Variants in SUCLG1 observed in about 807,000 individuals in gnomAD.
SUCLG1 encodes the protein succinate--CoA ligase [ADP/GDP-forming] subunit alpha, mitochondrial.
In SUCLG1, 26 loss-of-function variants were observed where a neutral mutation model predicts 37.3. The observed-to-expected ratio is 0.70, with a 90% CI of 0.51 to 0.97. The LOEUF (loss-of-function observed/expected upper bound fraction) is 0.97. Among genes scored for constraint, SUCLG1 ranks in the 50% least tolerant of loss-of-function variants. The pLI is 0.00. For missense variants in SUCLG1, 433 were observed against 432.9 expected, an observed-to-expected ratio of 1.00 and a Z score of 0.00; for synonymous variants, 163 against 155.6, an observed-to-expected ratio of 1.05 and a Z score of -0.36.
chr2:84,428,828 G>A (rs1461175076), intron 7 of SUCLG1, among the ~76,000 whole-genome samples: 1 of 152,304 alleles, frequency 6.6e-6, no homozygotes, highest in Non-Finnish European at 1.5e-5. Flanking sequence ...ATGACTCTTT[G>A]TCCTTAACTC....
chr2:84,453,868 G>A (rs1443987613), intron 1 of SUCLG1, among the ~76,000 whole-genome samples: 3 of 152,248 alleles, frequency 2.0e-5, no homozygotes, highest in Non-Finnish European at 4.4e-5. Context: ...CCTTGGGACT[G>A]CGTCCCAGGA....
chr2:84,434,360 G>A (rs1360335801), intron 5 of SUCLG1, among the ~76,000 whole-genome samples: 4 of 152,090 alleles, frequency 2.6e-5, no homozygotes, highest in African/African-American at 9.7e-5. Flanking sequence ...TGGGGAATAA[G>A]GTCAAGATCC....
At chr2:84,455,556 A>C (rs1673006639) in intron 1 of SUCLG1, among the ~76,000 whole-genome samples, 1 of 152,048 alleles carries the variant, frequency 6.6e-6, no homozygotes, top group Non-Finnish European at 1.5e-5. Flanking sequence ...ATAATGTAAA[A>C]AAATGTGGGT....
At position 84,423,700 on chromosome 2, in the gene SUCLG1, A is replaced by G. The variant is rs763185863; in HGVS notation, c.*46T>C. On this transcript the variant is annotated 3_prime_UTR_variant, in exon 9 of 9. Coordinates refer to ENST00000393868, the MANE Select transcript of SUCLG1 (RefSeq NM_003849.4). ...CAGAAGCAAACTGCTGCTGGGTTAC[A>G]TGTCTACGTGATCCATTCCACAGTT... 6 of 1,568,590 alleles carry G rather than the reference A, an allele frequency of 3.8e-6. No individual in the cohort carries two copies. The highest frequency in any genetic ancestry group is 1.8e-5 in the Admixed American group (1 of 56,840).
At chr2:84,453,815 G>C (rs1355448048) in intron 1 of SUCLG1, among the ~76,000 whole-genome samples, 1 of 152,214 alleles carries the variant, frequency 6.6e-6, no homozygotes, top group East Asian at 1.9e-4. Context: ...CACATCCTAG[G>C]CCACCTCCTT....
In SUCLG1 at chr2:84,449,708, G is replaced by C. The variant is rs1009661499; in HGVS notation, c.142C>G (p.Gln48Glu). 1 of 1,597,380 alleles carries C rather than the reference G, an allele frequency of 6.3e-7. No homozygotes were observed. The highest frequency in any genetic ancestry group is 1.4e-5 in the African/African-American group (1 of 72,556). ...GTATTTTTATCAACATAGAGATGTT[G>C]CCGAGAAGCTGTGTAGGAACAATGC... is the stretch of plus-strand genomic sequence containing the variant. ...IRHCSYTASRQHLYVDKNTKI... is the reference protein window; with the variant it reads ...IRHCSYTASREHLYVDKNTKI... The change falls in exon 2 of 9, where the codon CAA becomes GAA. Residue 48 changes from glutamine to glutamate, a missense_variant. Transcript: ENST00000393868.
rs778462733 is a variant in SUCLG1 at position 84,449,767 on chromosome 2, A to C, written c.98-15T>G. The C allele has an allele frequency of 7.3e-5, 22 of 300,246 alleles. No homozygotes were observed. The highest frequency in any genetic ancestry group is 3.6e-4 in the Admixed American group (6 of 16,732). 18.6% of individuals were successfully genotyped at this position (300,246 alleles called of 1,614,324 possible). A position where few individuals can be genotyped will look rare whatever the true frequency, so the allele number is the denominator to read the frequency against. ...ATTCTGCGGCACTAAGAGGTTAAAAAAAAAAAAAAAAAAAAAAAAAGACAC... is the reference window on the plus strand; with the variant it reads ...ATTCTGCGGCACTAAGAGGTTAAAACAAAAAAAAAAAAAAAAAAAAGACAC... On this transcript the variant is annotated splice_polypyrimidine_tract_variant and intron_variant, in intron 1 of 8. Coordinates refer to ENST00000393868, the MANE Select transcript of SUCLG1 (RefSeq NM_003849.4).
rs1672642303 is a variant in SUCLG1 at position 84,433,605 on chromosome 2, T to G, written c.590-170A>C. On this transcript the variant is annotated intron_variant, in intron 5 of 8. Transcript: ENST00000393868. Reference sequence around the variant, plus strand: ...AAACGATGAAATGAAAAGGAAAGGCTTAAATTCAAGCAGGGGGGTTTTTTA... The same window carrying G: ...AAACGATGAAATGAAAAGGAAAGGCGTAAATTCAAGCAGGGGGGTTTTTTA... 14 of 650,790 alleles carry G rather than the reference T, an allele frequency of 2.2e-5. No individual in the cohort carries two copies. The South Asian group carries it at 2.6e-4, about 12-fold the overall frequency. 40.3% of individuals were successfully genotyped at this position (650,790 alleles called of 1,614,324 possible).
rs56733272 is a variant in SUCLG1 at position 84,449,762 on chromosome 2, T to TA, written c.98-11dup. The stretch of plus-strand genomic sequence containing the variant: ...ATTCCATTCTGCGGCACTAAGAGGT[T>TA]AAAAAAAAAAAAAAAAAAAAAAAAA... On this transcript the variant is annotated splice_polypyrimidine_tract_variant and intron_variant, in intron 1 of 8. Transcript: ENST00000393868. 490 of 791,818 alleles carry TA rather than the reference T, an allele frequency of 6.2e-4. No homozygotes were observed. Among genetic ancestry groups the TA allele is most frequent in the Non-Finnish European group, 7.7e-4 (420 of 543,630 alleles). The allele number at this position is 791,818 out of a possible 1,614,324, so 49.0% of individuals were successfully genotyped here.
intron 5 of SUCLG1, among the ~76,000 whole-genome samples, chr2:84,440,421 A>G (rs1672750131): frequency 6.6e-6 from 1 of 152,194 alleles, no homozygotes; most frequent in South Asian, 2.1e-4. Context: ...ATATGGAGCA[A>G]GTGGAACTCT....
intron 5 of SUCLG1, among the ~76,000 whole-genome samples, chr2:84,440,817 A>C (rs950740235): frequency 6.6e-6 from 1 of 152,184 alleles, no homozygotes; most frequent in African/African-American, 2.4e-5. Flanking sequence ...AAAATCTTTA[A>C]ACTCCCACCA....
At chr2:84,449,271 G>C (rs1470081289) in intron 2 of SUCLG1, among the ~76,000 whole-genome samples, 1 of 151,966 alleles carries the variant, frequency 6.6e-6, no homozygotes, top group Non-Finnish European at 1.5e-5. Context: ...TTAACAATAC[G>C]GTTTTTTGTC....
chr2:84,457,092 A>G (rs1239731981), intron 1 of SUCLG1, among the ~76,000 whole-genome samples: 2 of 152,188 alleles, frequency 1.3e-5, no homozygotes, highest in African/African-American at 2.4e-5. Flanking sequence ...GTAATGTACC[A>G]TAAGTTGAAA....
chr2:84,425,895 A>G (rs1475102246), intron 7 of SUCLG1: 4 of 422,672 alleles, frequency 9.5e-6, no homozygotes, highest in South Asian at 2.3e-5. Context: ...AAAGTAAAAG[A>G]GCATACTGGA....
chr2:84,459,270 AC>A lies in SUCLG1; in HGVS notation c.-2del. The A allele has an allele frequency of 6.4e-7, 1 of 1,550,662 alleles. No individual in the cohort carries two copies. The highest frequency in any genetic ancestry group is 1.2e-5 in the South Asian group (1 of 84,044). ...CGGCAGCGGCAAGGGTTGCGGTCAT[AC>A]GCCAATGACACTCCCAGGCCCCCGG... On this transcript the variant is annotated 5_prime_UTR_variant, in exon 1 of 9. Transcript: ENST00000393868.
Position 84,441,040 on chromosome 2 carries a change from A to T in SUCLG1, c.589+7T>A, listed in dbSNP as rs2104253426. ...TTAATCTATAAGAATGTAACAAACA[A>T]ACTCACCAATCCTTCCTTTTTTGTG... On this transcript the variant is annotated splice_region_variant and intron_variant, in intron 5 of 8. Coordinates refer to ENST00000393868, the MANE Select transcript of SUCLG1 (RefSeq NM_003849.4). 6.2e-7 allele frequency: 1 copy of T among 1,613,876 alleles called. No individual in the cohort carries two copies. Among genetic ancestry groups the T allele is most frequent in the East Asian group, 2.2e-5 (1 of 44,878 alleles).
At chr2:84,431,363 G>A (rs1672611036) in intron 7 of SUCLG1, 145 bp downstream of exon 7, 1 of 900,688 alleles carries the variant, frequency 1.1e-6, no homozygotes, top group African/African-American at 1.7e-5. Flanking sequence ...AATTGTCTGA[G>A]TGTCCAGTAT....
At chr2:84,429,637 G>A (rs1672587334) in intron 7 of SUCLG1, among the ~76,000 whole-genome samples, 1 of 152,074 alleles carries the variant, frequency 6.6e-6, no homozygotes. Flanking sequence ...CATGTCAGAT[G>A]GAAAACTGAT....
At chr2:84,441,512 A>G in intron 3 of SUCLG1, 53 bp from the exon 4 acceptor site, 4 of 1,552,622 alleles carry the variant, frequency 2.6e-6, no homozygotes, top group African/African-American at 1.4e-5. Flanking sequence ...TAAACATTGT[A>G]AAATAAATTC....
Sources: allele counts gnomAD v4.1 joint callset (sites outside exome capture counted in the v4.1 genomes callset), GRCh38; gene constraint gnomAD v4.1.1; transcripts MANE v1.5; gene names NCBI Gene and HGNC (gene_info 2026-07-23, HGNC 2026-07-21).